TBC1D30: variants seen among roughly 807,000 people sequenced by gnomAD.
TBC1D30 encodes TBC1 domain family member 30, also known as TBC1 domain family, member 30.
In TBC1D30, 31 loss-of-function variants were observed where a neutral mutation model predicts 63.2. The ratio of observed to expected loss-of-function variants is 0.49; its 90% CI spans 0.37 to 0.66. The LOEUF is 0.66. Among genes scored for constraint, TBC1D30 ranks in the 30% least tolerant of loss-of-function variants. The pLI, the probability that TBC1D30 is intolerant of heterozygous loss-of-function variation, is 0.00. For missense variants in TBC1D30, 810 were observed against 953.6 expected, an observed-to-expected ratio of 0.85 and a Z score of 1.98; for synonymous variants, 307 against 361.5, an observed-to-expected ratio of 0.85 and a Z score of 1.71.
At chr12:64,833,467 G>A (rs910201865) in intron 5 of TBC1D30, among the ~76,000 whole-genome samples, 1 of 152,120 alleles carries the variant, frequency 6.6e-6, no homozygotes, top group Non-Finnish European at 1.5e-5. Context: ...AACTGCTCTT[G>A]ATTGCAATGC....
At position 64,840,004 on chromosome 12, in the gene TBC1D30, C is replaced by CAAAAAAAAAAAAA. The variant is rs60440376; in HGVS notation, c.932+1165_932+1177dup. Among the ~76,000 whole-genome samples the CAAAAAAAAAAAAA allele has an allele frequency of 1.4e-3, 142 of 98,310 alleles. 5 individuals carry two copies. Among genetic ancestry groups the CAAAAAAAAAAAAA allele is most frequent in the African/African-American group, 6.6e-3 (128 of 19,320 alleles). 64.5% of individuals were successfully genotyped at this position (98,310 alleles called of 152,430 possible). ...TGGACGACAGAGCAAGACTCTGTCT[C>CAAAAAAAAAAAAA]AAAAAAAAAAAAAAAAAAAAAAAAT... On this transcript the variant is annotated intron_variant, in intron 7 of 11. Coordinates refer to ENST00000539867, the MANE Select transcript of TBC1D30 (RefSeq NM_015279.2).
chr12:64,785,454 G>T (rs1871514302), intron 1 of TBC1D30, among the ~76,000 whole-genome samples: 1 of 29,096 alleles, frequency 3.4e-5, no homozygotes. Flanking sequence ...GGCCTTTAAA[G>T]ACTTTTTTTT....
At chr12:64,795,809 C>T (rs1257113903) in intron 2 of TBC1D30, among the ~76,000 whole-genome samples, 6 of 145,190 alleles carry the variant, frequency 4.1e-5, no homozygotes, top group Non-Finnish European at 4.5e-5. Context: ...AAGTTAGATG[C>T]TTTTTTTTTT....
chr12:64,782,097 A>C (rs1000872734), intron 1 of TBC1D30, among the ~76,000 whole-genome samples: 4 of 151,170 alleles, frequency 2.6e-5, no homozygotes, highest in African/African-American at 9.7e-5. Flanking sequence ...TCTGGTCATA[A>C]TAGCTTGCCT....
chr12:64,803,675 A>G (rs1407033974), intron 2 of TBC1D30, among the ~76,000 whole-genome samples: 1 of 152,162 alleles, frequency 6.6e-6, no homozygotes, highest in Non-Finnish European at 1.5e-5. Context: ...TAATTTTTGT[A>G]TAAGGTGTAA....
intron 8 of TBC1D30, among the ~76,000 whole-genome samples, chr12:64,848,525 T>G (rs1876589677): frequency 6.6e-6 from 1 of 152,132 alleles, no homozygotes; most frequent in Non-Finnish European, 1.5e-5. Context: ...ACCTGTGGTG[T>G]TTGGTTTTCT....
In TBC1D30 at chr12:64,875,661, A is replaced by C; in HGVS notation, c.2159A>C (p.Lys720Thr). The change falls in exon 12 of 12, where the codon AAA becomes ACA. Residue 720 changes from lysine to threonine, a missense_variant. Transcript: ENST00000539867. ...TTTCCCAGCGTCAAGCCCCTGCGGA[A>C]ATCTGCTACTGCCAGGAACTTGGGA... ...SPFPSVKPLRKSATARNLGLY... is the reference protein window; with the variant it reads ...SPFPSVKPLRTSATARNLGLY... 6.5e-7 allele frequency: 1 copy of C among 1,536,356 alleles called. No individual in the cohort carries two copies. The highest frequency in any genetic ancestry group is 1.2e-5 in the South Asian group (1 of 84,054).
At chr12:64,853,225 C>T (rs60923138) in intron 8 of TBC1D30, among the ~76,000 whole-genome samples, 2,518 of 152,276 alleles carry the variant, frequency 0.017, 87 homozygotes, top group African/African-American at 0.058. Flanking sequence ...CTAGCGACAG[C>T]GGCTTTGCCG....
intron 2 of TBC1D30, among the ~76,000 whole-genome samples, chr12:64,797,614 C>T (rs1037177707): frequency 1.8e-4 from 27 of 152,186 alleles, no homozygotes; most frequent in African/African-American, 6.3e-4. Context: ...ACCAGCAATC[C>T]TATGATATTT....
At chr12:64,814,291 C>T (rs1486103841) in intron 2 of TBC1D30, among the ~76,000 whole-genome samples, 1 of 152,124 alleles carries the variant, frequency 6.6e-6, no homozygotes, top group Admixed American at 6.5e-5. Flanking sequence ...AAGTGATCTA[C>T]CTGCCTCAGC....
intron 8 of TBC1D30, among the ~76,000 whole-genome samples, chr12:64,846,365 T>C (rs1008925142): frequency 6.6e-6 from 1 of 151,214 alleles, no homozygotes; most frequent in Non-Finnish European, 1.5e-5. Flanking sequence ...TCCATTTTGA[T>C]TGATTTTTGT....
At chr12:64,776,704 A>G (rs984908339), upstream of TBC1D30, among the ~76,000 whole-genome samples, 3 of 152,176 alleles carry the variant, frequency 2.0e-5, no homozygotes, top group Non-Finnish European at 4.4e-5. Flanking sequence ...TATCATTCCC[A>G]CTGAAACTAT....
intron 8 of TBC1D30, among the ~76,000 whole-genome samples, chr12:64,859,034 GTGTGTGTC>G (rs1043263646): frequency 1.3e-5 from 2 of 152,002 alleles, no homozygotes; most frequent in Non-Finnish European, 2.9e-5. Context: ...GTGTGTGTGT[GTGTGTGTC>G]TGTGTGTCTG....
At chr12:64,819,752 G>A (rs918420256), upstream of TBC1D30, among the ~76,000 whole-genome samples, 6 of 152,158 alleles carry the variant, frequency 3.9e-5, no homozygotes, top group African/African-American at 1.2e-4. Context: ...TGTAGAAAAG[G>A]CCACAGATCT....
upstream of TBC1D30, among the ~76,000 whole-genome samples, chr12:64,777,853 A>G (rs528542325): frequency 1.3e-5 from 2 of 152,350 alleles, no homozygotes; most frequent in East Asian, 3.9e-4. Flanking sequence ...TCTGCCTACC[A>G]GGTTCAAGTG....
At chr12:64,836,770 G>C in intron 6 of TBC1D30, 112 bp downstream of exon 6, 1 of 1,094,386 alleles carries the variant, frequency 9.1e-7, no homozygotes, top group Non-Finnish European at 1.2e-6. Context: ...TTTTGTAAGA[G>C]CTTGGTGTAA....
At chr12:64,828,038 T>A in intron 2 of TBC1D30, 142 bp downstream of exon 2, 1 of 684,038 alleles carries the variant, frequency 1.5e-6, no homozygotes, top group Non-Finnish European at 2.4e-6. Context: ...AAAGTAGCTT[T>A]TGAGCTACAA....
At chr12:64,767,454 T>C (rs1409048634) in intron 1 of TBC1D30, among the ~76,000 whole-genome samples, 1 of 152,082 alleles carries the variant, frequency 6.6e-6, no homozygotes, top group Non-Finnish European at 1.5e-5. Context: ...AAAATCAATA[T>C]GACTACAGGT....
At chr12:64,857,200 G>A (rs1402221222) in intron 8 of TBC1D30, among the ~76,000 whole-genome samples, 5 of 152,226 alleles carry the variant, frequency 3.3e-5, no homozygotes, top group Middle Eastern at 3.4e-3. Context: ...GAAATATGCT[G>A]GGTCTCCCCT....
Sources: allele counts gnomAD v4.1 joint callset (sites outside exome capture counted in the v4.1 genomes callset), GRCh38; gene constraint gnomAD v4.1.1; transcripts MANE v1.5; gene names NCBI Gene and HGNC (gene_info 2026-07-23, HGNC 2026-07-21).